AP3B1: variants seen among roughly 807,000 people sequenced by gnomAD.
AP3B1 encodes the protein AP-3 complex subunit beta-1.
A neutral mutation model predicts 132.5 loss-of-function variants in AP3B1; 61 were observed. The ratio of observed to expected loss-of-function variants is 0.46; its 90% CI spans 0.37 to 0.57. The LOEUF is 0.57. Among genes scored for constraint, AP3B1 ranks in the 20% least tolerant of loss-of-function variants. The probability of loss-of-function intolerance (pLI) is 0.00; values close to 1 mark genes in which losing one functional copy is unlikely to be tolerated. For missense variants in AP3B1, 1,120 were observed against 1,289.4 expected (o/e 0.87, Z 2.01); for synonymous variants, 388 against 438.3 (o/e 0.89, Z 1.43).
At position 78,175,846 on chromosome 5, in the gene AP3B1, TCA is replaced by T; in HGVS notation, c.1041-10_1041-9del. 1 of 1,605,148 alleles carries T rather than the reference TCA, an allele frequency of 6.2e-7. No individual in the cohort carries two copies. Among genetic ancestry groups the T allele is most frequent in the Non-Finnish European group, 8.5e-7 (1 of 1,173,696 alleles). On this transcript the variant is annotated splice_polypyrimidine_tract_variant and intron_variant, in intron 9 of 26. Transcript: ENST00000255194. ...ACAATATACTGCACCTCCCTAGAAA[TCA>T]AAAGATAATTTTTACTGGGTATATG...
chr5:78,086,437 T>C (rs755718652), intron 22 of AP3B1, among the ~76,000 whole-genome samples: 39 of 152,226 alleles, frequency 2.6e-4, no homozygotes, highest in Non-Finnish European at 4.4e-4. Flanking sequence ...ATGATCATTT[T>C]ACAGATGAAA....
chr5:78,003,036 GCA>G lies in AP3B1; in HGVS notation c.3149_3150del (p.Val1050AlafsTer25), dbSNP rs759043397. On this transcript the variant is annotated frameshift_variant, in exon 27 of 27. Transcript: ENST00000255194. LOFTEE classifies it high-confidence loss of function. ...GTGACTAGCATCAATGACCCACTGTGCACAGTTTTAGCTGCAAACCTGGAAGA... is the reference window on the plus strand; with the variant it reads ...GTGACTAGCATCAATGACCCACTGTGCAGTTTTAGCTGCAAACCTGGAAGA... Reference protein sequence around the residue: ...DNIHRFAAKTVHSGSLMLVTV... With the variant: ...DNIHRFAAKTXHSGSLMLVTV... The G allele has an allele frequency of 1.9e-6, 3 of 1,614,204 alleles. No homozygotes were observed. The highest frequency in any genetic ancestry group is 2.2e-5 in the East Asian group (1 of 44,892).
chr5:78,269,261 A>G (rs1311806921), intron 1 of AP3B1, among the ~76,000 whole-genome samples: 1 of 152,148 alleles, frequency 6.6e-6, no homozygotes, highest in Non-Finnish European at 1.5e-5. Flanking sequence ...TCATTTACCT[A>G]GTTACCTGTA....
At chr5:78,159,684 C>T (rs551893332) in intron 13 of AP3B1, among the ~76,000 whole-genome samples, 3 of 152,308 alleles carry the variant, frequency 2.0e-5, no homozygotes, top group Admixed American at 2.0e-4. Flanking sequence ...AATCAATCTG[C>T]GAAGTCTCTT....
At chr5:78,193,256 A>C (rs1273406236) in intron 7 of AP3B1, among the ~76,000 whole-genome samples, 1 of 152,204 alleles carries the variant, frequency 6.6e-6, no homozygotes, top group Non-Finnish European at 1.5e-5. Flanking sequence ...CTAGATACTT[A>C]AGTAAGTTAA....
At chr5:78,240,835 C>A (rs766996850) in intron 3 of AP3B1, 27 bp downstream of exon 3, 1 of 1,511,420 alleles carries the variant, frequency 6.6e-7, no homozygotes, top group Non-Finnish European at 9.2e-7. Context: ...CAAAAGGAAT[C>A]ATAAAAATTA....
chr5:78,128,407 CTCTAAAAAT>C (rs1752555120), intron 16 of AP3B1, among the ~76,000 whole-genome samples: 1 of 152,094 alleles, frequency 6.6e-6, no homozygotes, highest in Non-Finnish European at 1.5e-5. Flanking sequence ...AATGTAGCTT[CTCTAAAAAT>C]TACTTTACTG....
At chr5:78,128,315 C>T (rs1752550785) in intron 16 of AP3B1, among the ~76,000 whole-genome samples, 155 bp from the exon 17 acceptor site, 1 of 152,078 alleles carries the variant, frequency 6.6e-6, no homozygotes, top group Non-Finnish European at 1.5e-5. Context: ...AAACTGATTT[C>T]AGTCCATAGA....
intron 22 of AP3B1, among the ~76,000 whole-genome samples, chr5:78,047,890 C>G (rs1163067245): frequency 1.3e-5 from 2 of 152,196 alleles, no homozygotes; most frequent in Non-Finnish European, 2.9e-5. Context: ...ACATCTCAGA[C>G]TCTTCACAGT....
intron 22 of AP3B1, among the ~76,000 whole-genome samples, chr5:78,041,013 G>A (rs1580271416): frequency 1.3e-5 from 2 of 152,256 alleles, no homozygotes; most frequent in South Asian, 4.1e-4. Flanking sequence ...GGTGGCTCAC[G>A]CCTGTAATTC....
intron 1 of AP3B1, among the ~76,000 whole-genome samples, chr5:78,274,857 TC>T (rs1485270527): frequency 6.6e-6 from 1 of 152,058 alleles, no homozygotes; most frequent in Non-Finnish European, 1.5e-5. Context: ...GCCCAGGAGT[TC>T]AAGGCTGCAG....
At chr5:78,281,871 A>G (rs1749072016) in intron 1 of AP3B1, among the ~76,000 whole-genome samples, 1 of 152,194 alleles carries the variant, frequency 6.6e-6, no homozygotes, top group Non-Finnish European at 1.5e-5. Context: ...CTGCACACTT[A>G]ACAATGGTTA....
intron 4 of AP3B1, 106 bp downstream of exon 4, chr5:78,228,038 G>A (rs112309638): frequency 1.4e-6 from 1 of 704,488 alleles, no homozygotes; most frequent in Non-Finnish European, 2.3e-6. Context: ...ACTCTTTCAA[G>A]ACACTACTGT....
At chr5:78,289,544 C>T (rs1749421171) in intron 1 of AP3B1, among the ~76,000 whole-genome samples, 5 of 152,186 alleles carry the variant, frequency 3.3e-5, no homozygotes, top group Admixed American at 1.3e-4. Flanking sequence ...TACTGCATTG[C>T]TAAGTTACTG....
At chr5:78,011,270 T>C (rs1746614439) in intron 26 of AP3B1, among the ~76,000 whole-genome samples, 1 of 152,066 alleles carries the variant, frequency 6.6e-6, no homozygotes, top group Non-Finnish European at 1.5e-5. Context: ...GGTCTTGAAC[T>C]CCTGACCTCA....
chr5:78,165,796 C>T, intron 11 of AP3B1, 124 bp from the exon 12 acceptor site: 1 of 778,848 alleles, frequency 1.3e-6, no homozygotes, highest in African/African-American at 1.7e-5. Context: ...CAGCCGGGCA[C>T]AGTGGCTCAT....
At chr5:78,030,321 A>C (rs555807652) in intron 24 of AP3B1, among the ~76,000 whole-genome samples, 2 of 152,246 alleles carry the variant, frequency 1.3e-5, no homozygotes, top group South Asian at 4.2e-4. Context: ...GATTTAAGAA[A>C]ATATTCTATT....
rs1748203456 is a variant in AP3B1 at position 78,263,830 on chromosome 5, T to C, written c.204+3690A>G. ...ATTTTGTGTTATTTTTAAATTACAG[T>C]CGTGCCACGTTTTGGTCAAGGAGGG... On this transcript the variant is annotated intron_variant, in intron 2 of 26. Coordinates refer to ENST00000255194, the MANE Select transcript of AP3B1 (RefSeq NM_003664.5). Among the ~76,000 whole-genome samples, 4 of 152,208 alleles carry C rather than the reference T, an allele frequency of 2.6e-5. No homozygotes were observed. The South Asian group carries it at 8.3e-4, about 32-fold the overall frequency.
At chr5:78,242,542 G>A (rs1747183427) in intron 2 of AP3B1, among the ~76,000 whole-genome samples, 1 of 152,086 alleles carries the variant, frequency 6.6e-6, no homozygotes, top group Admixed American at 6.6e-5. Flanking sequence ...GAGTAGCTGG[G>A]ATTACAGGCA....
Sources: allele counts gnomAD v4.1 joint callset (sites outside exome capture counted in the v4.1 genomes callset), GRCh38; gene constraint gnomAD v4.1.1; transcripts MANE v1.5; gene names NCBI Gene and HGNC (gene_info 2026-07-23, HGNC 2026-07-21).